The following SUMF1 variants were observed in gnomAD, a reference collection of about 807,000 sequenced individuals.
SUMF1 encodes formylglycine-generating enzyme.
In SUMF1, 48 loss-of-function variants were observed where a neutral mutation model predicts 47.6. That is an observed-to-expected ratio of 1.01 (90% CI 0.80 to 1.28). SUMF1 has a LOEUF of 1.28. Among genes scored for constraint, SUMF1 ranks in the 50% most tolerant of loss-of-function variants. The probability of loss-of-function intolerance (pLI) is 0.00; values close to 1 mark genes in which losing one functional copy is unlikely to be tolerated. For synonymous variants in SUMF1, 230 were observed against 192.1 expected (o/e 1.20, Z -1.63); for missense variants, 571 against 485.4 (o/e 1.18, Z -1.66).
chr3:4,250,707 G>A (rs1311756364), intron 8 of SUMF1, among the ~76,000 whole-genome samples: 1 of 152,044 alleles, frequency 6.6e-6, no homozygotes, highest in Admixed American at 6.6e-5. Flanking sequence ...GAAAATCTTA[G>A]GGCCCTTAAG....
intron 8 of SUMF1, chr3:4,303,356 G>C (rs1183402139): frequency 6.5e-6 from 10 of 1,539,454 alleles, no homozygotes; most frequent in South Asian, 3.8e-5. Context: ...AGTGGGCGTT[G>C]CGTGAGGCGG....
At chr3:4,370,983 G>C (rs1166614556) in intron 8 of SUMF1, among the ~76,000 whole-genome samples, 1 of 152,134 alleles carries the variant, frequency 6.6e-6, no homozygotes, top group African/African-American at 2.4e-5. Flanking sequence ...CACTACAAAA[G>C]TTAGTGTTGC....
chr3:4,131,534 T>A (rs1359124194), intron 8 of SUMF1, among the ~76,000 whole-genome samples: 1 of 152,144 alleles, frequency 6.6e-6, no homozygotes, highest in Non-Finnish European at 1.5e-5. Flanking sequence ...GGGCAGTACT[T>A]CGAGCAGTGC....
intron 9 of SUMF1, among the ~76,000 whole-genome samples, chr3:4,036,906 C>T (rs1456504417): frequency 7.6e-6 from 1 of 131,264 alleles, no homozygotes; most frequent in South Asian, 2.4e-4. Flanking sequence ...GAGAATCATA[C>T]AGAACTAGGT....
intron 8 of SUMF1, among the ~76,000 whole-genome samples, chr3:4,129,678 T>C (rs539443088): frequency 1.4e-4 from 21 of 152,062 alleles, no homozygotes; most frequent in Non-Finnish European, 2.9e-4. Context: ...TAACTGTGCA[T>C]TGGGAAAGGG....
At chr3:4,327,856 A>C (rs1413062168) in intron 8 of SUMF1, among the ~76,000 whole-genome samples, 1 of 152,226 alleles carries the variant, frequency 6.6e-6, no homozygotes, top group Non-Finnish European at 1.5e-5. Flanking sequence ...TTGATATCAC[A>C]AAATAGGTAC....
chr3:4,110,821 C>T (rs1194329187), intron 8 of SUMF1, among the ~76,000 whole-genome samples: 7 of 121,770 alleles, frequency 5.7e-5, no homozygotes, highest in Non-Finnish European at 7.9e-5. Flanking sequence ...GGAAGGGGAA[C>T]GTCACACACT....
rs1180994857 is a variant in SUMF1 at position 4,456,468 on chromosome 3, T to C, written c.271-3419A>G. 2.7e-5 allele frequency among the ~76,000 whole-genome samples: 4 copies of C among 149,500 alleles called. No homozygotes were observed. The East Asian group carries it at 7.8e-4, about 29-fold the overall frequency. ...TGTTTTTCTTTGTTTTTTTTTTTTTTTGAGACGGAGTCTTACTCTGTTGCC... is the reference window on the plus strand; with the variant it reads ...TGTTTTTCTTTGTTTTTTTTTTTTTCTGAGACGGAGTCTTACTCTGTTGCC... On this transcript the variant is annotated intron_variant, in intron 1 of 8. Coordinates refer to ENST00000272902, the MANE Select transcript of SUMF1 (RefSeq NM_182760.4).
intron 8 of SUMF1, among the ~76,000 whole-genome samples, chr3:4,102,143 T>C (rs943112609): frequency 2.6e-5 from 4 of 152,128 alleles, no homozygotes; most frequent in East Asian, 3.8e-4. Flanking sequence ...CAATTCAACA[T>C]GAGATTTTGG....
intron 8 of SUMF1, among the ~76,000 whole-genome samples, chr3:4,373,617 C>G (rs1030498280): frequency 1.3e-5 from 2 of 151,930 alleles, no homozygotes; most frequent in Non-Finnish European, 2.9e-5. Flanking sequence ...ACCAAGGAAT[C>G]CTATCAAACA....
chr3:4,454,566 T>C (rs563126216), intron 1 of SUMF1, among the ~76,000 whole-genome samples: 1 of 152,278 alleles, frequency 6.6e-6, no homozygotes, highest in South Asian at 2.1e-4. Flanking sequence ...GACCCTGCAG[T>C]TCTCCTAGGT....
At chr3:4,111,589 G>A (rs941284546) in intron 8 of SUMF1, among the ~76,000 whole-genome samples, 28 of 151,838 alleles carry the variant, frequency 1.8e-4, no homozygotes, top group East Asian at 9.7e-4. Context: ...GTAGTGGTGC[G>A]CACCTGCCTC....
chr3:4,141,864 G>A (rs929179199), intron 8 of SUMF1, among the ~76,000 whole-genome samples: 3 of 152,002 alleles, frequency 2.0e-5, no homozygotes, highest in Non-Finnish European at 4.4e-5. Flanking sequence ...TGAAGGTTTG[G>A]GACCTTTTCC....
chr3:4,273,662 T>A (rs1461049742), intron 8 of SUMF1, among the ~76,000 whole-genome samples: 2 of 134,034 alleles, frequency 1.5e-5, no homozygotes, highest in Non-Finnish European at 3.1e-5. Flanking sequence ...AAGTAAATTA[T>A]ACTCAATAAA....
chr3:4,357,308 C>A (rs552549845), downstream of SUMF1, among the ~76,000 whole-genome samples: 15 of 129,162 alleles, frequency 1.2e-4, no homozygotes, highest in Non-Finnish European at 2.1e-4. Context: ...ACTATGTTTA[C>A]GGTGGTTTTT....
At chr3:4,332,205 C>A (rs916290840) in intron 8 of SUMF1, among the ~76,000 whole-genome samples, 2 of 152,152 alleles carry the variant, frequency 1.3e-5, no homozygotes, top group African/African-American at 4.8e-5. Context: ...AACACACAGA[C>A]CCATAGACAG....
intron 8 of SUMF1, among the ~76,000 whole-genome samples, chr3:4,188,395 T>C (rs1204238932): frequency 1.3e-5 from 2 of 152,128 alleles, no homozygotes; most frequent in African/African-American, 4.8e-5. Context: ...GTATCCAACA[T>C]TATAGCATCA....
chr3:4,356,979 T>G (rs989582777), downstream of SUMF1, among the ~76,000 whole-genome samples: 2 of 135,444 alleles, frequency 1.5e-5, no homozygotes, highest in African/African-American at 6.5e-5. Context: ...CACTTTCCAG[T>G]GTGTTAAGCT....
Position 4,449,246 on chromosome 3 carries a change from C to T in SUMF1, c.519+20G>A, listed in dbSNP as rs199809441. On this transcript the variant is annotated intron_variant, in intron 3 of 8. Coordinates refer to ENST00000272902, the MANE Select transcript of SUMF1 (RefSeq NM_182760.4). ...AATGAGCCTTAGAGAAATACAGGAG[C>T]CTGTTGAAACATTACTTACTGCCTG... 7 of 1,613,748 alleles carry T rather than the reference C, an allele frequency of 4.3e-6. No homozygotes were observed. The East Asian group carries it at 1.6e-4, about 36-fold the overall frequency.
Sources: allele counts gnomAD v4.1 joint callset (sites outside exome capture counted in the v4.1 genomes callset), GRCh38; gene constraint gnomAD v4.1.1; transcripts MANE v1.5; gene names NCBI Gene and HGNC (gene_info 2026-07-23, HGNC 2026-07-21).